The following ERC2 variants were observed in gnomAD, a reference collection of about 807,000 sequenced individuals.
ERC2 encodes the protein ELKS/RAB6-interacting/CAST family member 2, also known as ERC protein 2.
ERC2 carries 42 observed loss-of-function variants against 114.8 expected under a neutral mutation model. The ratio of observed to expected loss-of-function variants is 0.37; its 90% confidence interval spans 0.29 to 0.47. The LOEUF (loss-of-function observed/expected upper bound fraction) is 0.47, where lower values mean the gene tolerates loss of function less well. Ranked by LOEUF, ERC2 falls within the 20% of genes least tolerant of loss-of-function variation. The probability of loss-of-function intolerance (pLI) is 0.99; values close to 1 mark genes in which losing one functional copy is unlikely to be tolerated. For missense variants in ERC2, 939 were observed against 1,150.7 expected (o/e 0.82, Z 2.66); for synonymous variants, 454 against 425.5 (o/e 1.07, Z -0.82).
chr3:56,187,244 C>T (rs1237485708), intron 3 of ERC2, among the ~76,000 whole-genome samples: 1 of 152,142 alleles, frequency 6.6e-6, no homozygotes, highest in African/African-American at 2.4e-5. Flanking sequence ...ATGAAAGGCA[C>T]ACTTCCAGGA....
At chr3:55,536,689 T>C (rs2054019935) in intron 17 of ERC2, among the ~76,000 whole-genome samples, 1 of 152,212 alleles carries the variant, frequency 6.6e-6, no homozygotes, top group Non-Finnish European at 1.5e-5. Flanking sequence ...GCTAAGGGGC[T>C]ACACTAAACA....
intron 6 of ERC2, among the ~76,000 whole-genome samples, chr3:56,100,148 GT>G (rs1313107118): frequency 6.6e-6 from 1 of 152,092 alleles, no homozygotes; most frequent in Non-Finnish European, 1.5e-5. Context: ...TGTCTTTTTT[GT>G]AACATCTTAT....
chr3:55,962,405 CAATATATACACT>C (rs1248881872), intron 12 of ERC2, among the ~76,000 whole-genome samples: 1 of 152,202 alleles, frequency 6.6e-6, no homozygotes, highest in African/African-American at 2.4e-5. Flanking sequence ...TAGCCACAGA[CAATATATACACT>C]AATATATACA....
At chr3:55,824,288 G>A (rs2060242943) in intron 14 of ERC2, among the ~76,000 whole-genome samples, 1 of 152,104 alleles carries the variant, frequency 6.6e-6, no homozygotes, top group Non-Finnish European at 1.5e-5. Flanking sequence ...CTACCATCTG[G>A]ATATCAACAC....
intron 3 of ERC2, among the ~76,000 whole-genome samples, chr3:56,194,363 C>T (rs777601697): frequency 1.3e-5 from 2 of 152,152 alleles, no homozygotes; most frequent in East Asian, 1.9e-4. Context: ...GATTATGCGG[C>T]GAGGCCCGAT....
intron 14 of ERC2, among the ~76,000 whole-genome samples, chr3:55,852,220 G>A (rs528815577): frequency 5.0e-4 from 76 of 152,108 alleles, no homozygotes; most frequent in African/African-American, 1.8e-3. Context: ...TCTCTGTCTC[G>A]AAAACAAAAC....
At chr3:55,906,355 C>A (rs1250232912) in intron 13 of ERC2, among the ~76,000 whole-genome samples, 1 of 150,630 alleles carries the variant, frequency 6.6e-6, no homozygotes, top group Non-Finnish European at 1.5e-5. Flanking sequence ...TGGCGTGAAC[C>A]CGGGAGGCGG....
At chr3:55,703,842 G>A (rs537899479) in intron 15 of ERC2, among the ~76,000 whole-genome samples, 1 of 152,280 alleles carries the variant, frequency 6.6e-6, no homozygotes, top group East Asian at 1.9e-4. Context: ...TGGGAGTGGC[G>A]AAGGAAGAGT....
At chr3:55,637,327 G>A (rs549347730) in intron 17 of ERC2, among the ~76,000 whole-genome samples, 1 of 152,324 alleles carries the variant, frequency 6.6e-6, no homozygotes, top group East Asian at 1.9e-4. Context: ...TGTGGAATAT[G>A]GAAAGGCATG....
At chr3:55,535,983 G>A (rs1248397480) in intron 17 of ERC2, among the ~76,000 whole-genome samples, 1 of 152,100 alleles carries the variant, frequency 6.6e-6, no homozygotes, top group East Asian at 1.9e-4. Context: ...TGGGCAACGA[G>A]AGCAAAACTC....
chr3:55,848,424 C>T (rs1482940420), intron 14 of ERC2, among the ~76,000 whole-genome samples: 2 of 152,222 alleles, frequency 1.3e-5, no homozygotes, highest in African/African-American at 2.4e-5. Flanking sequence ...CTGACTTCTG[C>T]TCCCATTCAT....
intron 17 of ERC2, among the ~76,000 whole-genome samples, chr3:55,541,415 C>T (rs958044783): frequency 8.5e-5 from 13 of 152,186 alleles, no homozygotes; most frequent in South Asian, 6.2e-4. Flanking sequence ...CATTGGTGCT[C>T]GCTGGGGTTT....
At chr3:55,709,259 T>C (rs776137898) in intron 15 of ERC2, among the ~76,000 whole-genome samples, 12 of 151,644 alleles carry the variant, frequency 7.9e-5, no homozygotes, top group Non-Finnish European at 1.6e-4. Flanking sequence ...CGTGAGAGTC[T>C]TAAACAGGGC....
intron 14 of ERC2, among the ~76,000 whole-genome samples, chr3:55,767,580 C>T (rs961906824): frequency 1.3e-5 from 2 of 152,166 alleles, no homozygotes; most frequent in Non-Finnish European, 2.9e-5. Flanking sequence ...TGCGTATAGA[C>T]CTCTAAGAAG....
At chr3:56,232,779 C>A (rs1175003803) in intron 3 of ERC2, among the ~76,000 whole-genome samples, 2 of 152,198 alleles carry the variant, frequency 1.3e-5, no homozygotes, top group African/African-American at 4.8e-5. Flanking sequence ...GTATTTACAT[C>A]CAAGACCTAC....
At chr3:55,632,916 A>G (rs918245492) in intron 17 of ERC2, among the ~76,000 whole-genome samples, 4 of 152,232 alleles carry the variant, frequency 2.6e-5, no homozygotes, top group African/African-American at 9.6e-5. Flanking sequence ...CCAGGACTAA[A>G]CCACAAGTGT....
At chr3:55,517,374 G>C (rs1442447510) in intron 17 of ERC2, among the ~76,000 whole-genome samples, 4 of 150,312 alleles carry the variant, frequency 2.7e-5, no homozygotes, top group Non-Finnish European at 5.9e-5. Context: ...CAGGAAGGTG[G>C]AGGTGGAGGT....
intron 12 of ERC2, among the ~76,000 whole-genome samples, chr3:55,969,392 TACACACACACACACACAC>T (rs10555030): frequency 1.1e-4 from 15 of 140,602 alleles, no homozygotes; most frequent in African/African-American, 2.4e-4. Context: ...TTTATACACA[TACACACACACACACACAC>T]ACACACACAC....
chr3:56,110,604 T>G (rs2078909415), intron 6 of ERC2, among the ~76,000 whole-genome samples: 1 of 152,150 alleles, frequency 6.6e-6, no homozygotes, highest in African/African-American at 2.4e-5. Flanking sequence ...TGGAAAGAAT[T>G]TTTTAAATTC....
Sources: allele counts gnomAD v4.1 joint callset (sites outside exome capture counted in the v4.1 genomes callset), GRCh38; gene constraint gnomAD v4.1.1; transcripts MANE v1.5; gene names NCBI Gene and HGNC (gene_info 2026-07-23, HGNC 2026-07-21).